TLK1: variants seen among roughly 807,000 people sequenced by gnomAD.
The protein encoded by TLK1 is tousled like kinase 1.
TLK1 carries 24 observed loss-of-function variants against 105.3 expected under a neutral mutation model. The observed-to-expected ratio is 0.23, with a 90% confidence interval of 0.17 to 0.32. The LOEUF is 0.32. TLK1 is among the 10% of genes least tolerant of loss of function. TLK1 has a pLI of 1.00. For missense variants in TLK1, 558 were observed against 910.5 expected (o/e 0.61, Z 4.98); for synonymous variants, 321 against 310.4 (o/e 1.03, Z -0.36).
At chr2:171,076,824 G>A (rs1688533612) in intron 3 of TLK1, among the ~76,000 whole-genome samples, 1 of 151,806 alleles carries the variant, frequency 6.6e-6, no homozygotes, top group Admixed American at 6.6e-5. Context: ...TGAGGCAGGA[G>A]AATGGCGTGA....
rs3084370 is a variant in TLK1, at chr2:171,082,030, T to TACACACACAC, written c.330+741_330+750dup. ...GTAGAAATAAGACTGACGGGAAAAA[T>TACACACACAC]ACACACACACACACACACACACACA... is the stretch of plus-strand genomic sequence containing the variant. On this transcript the variant is annotated intron_variant, in intron 3 of 20. Transcript: ENST00000431350. Among the ~76,000 whole-genome samples, 245 of 146,720 alleles carry TACACACACAC rather than the reference T, an allele frequency of 1.7e-3. 1 individual carries two copies. The highest frequency in any genetic ancestry group is 5.5e-3 in the East Asian group (27 of 4,910).
upstream of TLK1, among the ~76,000 whole-genome samples, chr2:171,164,003 G>C (rs1332648920): frequency 6.6e-6 from 1 of 152,180 alleles, no homozygotes; most frequent in African/African-American, 2.4e-5. Flanking sequence ...TAGGGTTACA[G>C]GCATGAGCCA....
At chr2:171,044,459 T>G (rs372077037) in intron 11 of TLK1, among the ~76,000 whole-genome samples, 3 of 152,096 alleles carry the variant, frequency 2.0e-5, no homozygotes, top group African/African-American at 4.8e-5. Context: ...GTAAATATAG[T>G]TTTGAACAGG....
intron 14 of TLK1, among the ~76,000 whole-genome samples, chr2:171,007,858 T>C (rs567496857): frequency 6.6e-6 from 1 of 152,276 alleles, no homozygotes; most frequent in African/African-American, 2.4e-5. Context: ...AAAGAATTTA[T>C]ACTTGATTTG....
At chr2:170,994,509 C>T (rs192302858) in intron 20 of TLK1, among the ~76,000 whole-genome samples, 1 of 148,654 alleles carries the variant, frequency 6.7e-6, no homozygotes, top group Admixed American at 6.7e-5. Context: ...ACCAATTTTA[C>T]TCAGTTTTTC....
At chr2:171,146,857 A>G (rs1691811690) in intron 1 of TLK1, among the ~76,000 whole-genome samples, 1 of 152,242 alleles carries the variant, frequency 6.6e-6, no homozygotes, top group South Asian at 2.1e-4. Flanking sequence ...GATCCACAAG[A>G]GAACAATGCT....
chr2:171,006,070 A>T, intron 18 of TLK1, 77 bp downstream of exon 18: 3 of 1,348,126 alleles, frequency 2.2e-6, no homozygotes, highest in Non-Finnish European at 2.9e-6. Context: ...CATGGAAATA[A>T]AAAAAAAAAC....
rs749170852 is a variant in TLK1 at position 171,160,471 on chromosome 2, G to A, written c.-43C>T. On this transcript the variant is annotated 5_prime_UTR_variant, in exon 1 of 21. Coordinates refer to ENST00000431350, the MANE Select transcript of TLK1 (RefSeq NM_012290.5). This position sits in a 1 kb window ranked among gnomAD's most constrained non-coding sequence, Gnocchi z 4.4. Reference sequence around the variant, plus strand: ...ACCCGACTCCCCCCCTGCGACGGCAGCGGCGGCAACGGCACCGGCACCCGC... The same window carrying A: ...ACCCGACTCCCCCCCTGCGACGGCAACGGCGGCAACGGCACCGGCACCCGC... The A allele has an allele frequency of 3.2e-6, 5 of 1,574,060 alleles. No homozygotes were observed. In the African/African-American group the frequency reaches 4.2e-5, roughly 13 times the overall value.
At chr2:171,052,736 G>C (rs1452449726) in intron 8 of TLK1, among the ~76,000 whole-genome samples, 1 of 152,182 alleles carries the variant, frequency 6.6e-6, no homozygotes, top group Non-Finnish European at 1.5e-5. Context: ...ATTTAAAATA[G>C]TGGTTAAATG....
intron 11 of TLK1, among the ~76,000 whole-genome samples, chr2:171,043,450 G>C (rs1686788577): frequency 6.6e-6 from 1 of 152,188 alleles, no homozygotes; most frequent in Admixed American, 6.5e-5. Context: ...TTTTGGGTTA[G>C]ATCATTCAAG....
chr2:171,014,747 A>G (rs538745116), intron 13 of TLK1, 104 bp downstream of exon 13: 31 of 865,746 alleles, frequency 3.6e-5, no homozygotes, highest in Non-Finnish European at 5.1e-5. Flanking sequence ...GATCTTTTCT[A>G]AGTACGATGA....
chr2:171,178,092 C>G (rs915168752), intron 1 of TLK1, among the ~76,000 whole-genome samples: 2 of 152,228 alleles, frequency 1.3e-5, no homozygotes, highest in Admixed American at 6.5e-5. Flanking sequence ...GCCACTGCAC[C>G]TGGCCTTGCA....
intron 19 of TLK1, 116 bp from the exon 20 acceptor site, chr2:170,996,876 A>G: frequency 3.6e-6 from 3 of 837,896 alleles, no homozygotes; most frequent in East Asian, 2.7e-5. Context: ...GTGTTCTAAA[A>G]TCTTCCTCAG....
At chr2:171,201,758 C>A (rs1441006421) in intron 1 of TLK1, among the ~76,000 whole-genome samples, 1 of 152,180 alleles carries the variant, frequency 6.6e-6, no homozygotes, top group Non-Finnish European at 1.5e-5. Flanking sequence ...ACCCTGAAGT[C>A]ATATCTCTTC....
At chr2:171,185,192 C>T (rs1693004148) in intron 1 of TLK1, among the ~76,000 whole-genome samples, 1 of 152,036 alleles carries the variant, frequency 6.6e-6, no homozygotes, top group African/African-American at 2.4e-5. Flanking sequence ...CTTGAATCAT[C>T]CCTCTCCATT....
At chr2:171,126,510 T>C in intron 1 of TLK1, among the ~76,000 whole-genome samples, 1 of 152,302 alleles carries the variant, frequency 6.6e-6, no homozygotes, top group East Asian at 1.9e-4. Flanking sequence ...TGACAAGGAA[T>C]CATTTTTTCA....
chr2:171,092,348 A>T (rs975205229), intron 2 of TLK1, among the ~76,000 whole-genome samples: 1 of 152,218 alleles, frequency 6.6e-6, no homozygotes, highest in Admixed American at 6.5e-5. Flanking sequence ...TTCACACTAC[A>T]TATTTTCACT....
At chr2:171,041,001 C>A (rs1298684781) in intron 11 of TLK1, among the ~76,000 whole-genome samples, 1 of 152,082 alleles carries the variant, frequency 6.6e-6, no homozygotes, top group South Asian at 2.1e-4. Context: ...GTGAAACATG[C>A]AACATGTAAG....
intron 18 of TLK1, among the ~76,000 whole-genome samples, chr2:171,005,827 T>A (rs1684627218): frequency 6.6e-6 from 1 of 152,190 alleles, no homozygotes; most frequent in Non-Finnish European, 1.5e-5. Flanking sequence ...GTATTTATAT[T>A]TATGATGAAC....
Sources: allele counts gnomAD v4.1 joint callset (sites outside exome capture counted in the v4.1 genomes callset), GRCh38; gene constraint gnomAD v4.1.1; non-coding constraint Gnocchi (gnomAD v3.1); transcripts MANE v1.5; gene names NCBI Gene and HGNC (gene_info 2026-07-23, HGNC 2026-07-21).